RAD23B: variants seen among roughly 807,000 people sequenced by gnomAD.
RAD23B encodes RAD23 nucleotide excision repair protein B, also known as lysine-specific demethylase RAD23B.
In RAD23B, 5 loss-of-function variants were observed where a neutral mutation model predicts 49.1. The observed-to-expected ratio is 0.10, with a 90% confidence interval of 0.05 to 0.21. RAD23B has a LOEUF of 0.21. Among genes scored for constraint, RAD23B ranks in the 10% least tolerant of loss-of-function variants. The pLI is 1.00. For synonymous variants in RAD23B, 184 were observed against 165.4 expected, an observed-to-expected ratio of 1.11 and a Z score of -0.86; for missense variants, 356 against 486.7, an observed-to-expected ratio of 0.73 and a Z score of 2.53.
intron 5 of RAD23B, among the ~76,000 whole-genome samples, chr9:107,312,902 C>T (rs1466363519): frequency 6.6e-6 from 1 of 152,096 alleles, no homozygotes; most frequent in East Asian, 1.9e-4. Context: ...CTCCTGAGTT[C>T]CCGGGAGCCT....
At chr9:107,294,736 T>G (rs998347899) in intron 1 of RAD23B, among the ~76,000 whole-genome samples, 2 of 152,162 alleles carry the variant, frequency 1.3e-5, no homozygotes, top group Admixed American at 1.3e-4. Flanking sequence ...GAGTTAAGTG[T>G]GCATAAATGA....
intron 1 of RAD23B, chr9:107,284,898 A>T (rs1269514683): frequency 3.1e-6 from 4 of 1,282,108 alleles, no homozygotes; most frequent in Middle Eastern, 2.1e-4. Flanking sequence ...CCTTGCAGAG[A>T]TGTGAAGATT....
rs200371420 is a variant in RAD23B at position 107,300,116 on chromosome 9, A to C, written c.67-25A>C. On this transcript the variant is annotated intron_variant, in intron 1 of 9. Transcript: ENST00000358015. ...TCATTTTTTATTTAGACTTTTTCCA[A>C]AACAAATCTTTATTTTTCCTATAGG... 1.3e-4 allele frequency: 210 copies of C among 1,586,942 alleles called. 1 individual carries two copies. The East Asian group carries it at 4.0e-3, about 31-fold the overall frequency.
rs753861374 is a variant in RAD23B, at chr9:107,318,654, A to G, written c.554-98A>G. The G allele has an allele frequency of 7.0e-6, 9 of 1,277,666 alleles. No homozygotes were observed. The African/African-American group carries it at 1.0e-4, about 15-fold the overall frequency. The allele number at this position is 1,277,666 out of a possible 1,614,324, so 79.1% of individuals were successfully genotyped here. On this transcript the variant is annotated intron_variant, in intron 5 of 9. Coordinates refer to ENST00000358015, the MANE Select transcript of RAD23B (RefSeq NM_002874.5). The surrounding 1 kb of genome is among the most constrained non-coding windows in gnomAD (Gnocchi z 4.3). ...TTACTCATCTTTGTATTCCCAGCAT[A>G]GTAGTTCCTGAAATGTTGTATACAT... is the stretch of plus-strand genomic sequence containing the variant.
rs1166413330 is a variant in RAD23B, at chr9:107,302,054, T to C, written c.168T>C (p.Asp56=). The change falls in exon 3 of 10, where the codon GAT becomes GAC. Residue 56 remains aspartate, a synonymous_variant. Coordinates refer to ENST00000358015, the MANE Select transcript of RAD23B (RefSeq NM_002874.5). The stretch of plus-strand genomic sequence containing the variant: ...TATTAGGCAAAATCCTCAATGATGA[T>C]ACTGCTCTCAAAGAATATAAAATTG... ...LIYAGKILND[D]TALKEYKIDE... 6.2e-7 allele frequency: 1 copy of C among 1,612,828 alleles called. No individual in the cohort carries two copies. Among genetic ancestry groups the C allele is most frequent in the African/African-American group, 1.3e-5 (1 of 74,876 alleles).
chr9:107,327,142 C>G (rs1042772497), intron 9 of RAD23B, among the ~76,000 whole-genome samples: 13 of 151,676 alleles, frequency 8.6e-5, no homozygotes, highest in Middle Eastern at 3.4e-3. Context: ...TGTTTTTTCC[C>G]TTCAGTTTAG....
chr9:107,294,237 T>TA (rs1175442811), intron 1 of RAD23B, among the ~76,000 whole-genome samples: 1 of 152,228 alleles, frequency 6.6e-6, no homozygotes, highest in Non-Finnish European at 1.5e-5. Context: ...TTTTTATTTT[T>TA]AAATGCACGA....
intron 9 of RAD23B, among the ~76,000 whole-genome samples, chr9:107,328,972 A>T (rs369436721): frequency 2.0e-4 from 30 of 152,232 alleles, no homozygotes; most frequent in African/African-American, 6.3e-4. Flanking sequence ...AAAATGTACC[A>T]TGTATTACTA....
chr9:107,320,201 C>A (rs72738216), intron 6 of RAD23B, among the ~76,000 whole-genome samples: 8,996 of 152,272 alleles, frequency 0.059, 384 homozygotes, highest in South Asian at 0.12. Context: ...TTCACTTTTT[C>A]ATTATCTTCT....
intron 3 of RAD23B, among the ~76,000 whole-genome samples, chr9:107,304,078 A>G (rs1826712474): frequency 6.6e-6 from 1 of 152,150 alleles, no homozygotes; most frequent in African/African-American, 2.4e-5. Flanking sequence ...CTGCTACAGT[A>G]AGGCATTATG....
chr9:107,318,915 T>C lies in RAD23B; in HGVS notation c.681+36T>C. The C allele has an allele frequency of 6.4e-7, 1 of 1,568,906 alleles. No individual in the cohort carries two copies. The highest frequency in any genetic ancestry group is 8.7e-7 in the Non-Finnish European group (1 of 1,149,504). On this transcript the variant is annotated intron_variant, in intron 6 of 9. Transcript: ENST00000358015. The surrounding 1 kb of genome is among the most constrained non-coding windows in gnomAD (Gnocchi z 4.3). ...TGTTTTACTTTACTCCATTCTGTTG[T>C]TTAAGATTAAAATCTCAAAGAAACA...
intron 1 of RAD23B, among the ~76,000 whole-genome samples, chr9:107,295,191 T>C (rs564841138): frequency 2.1e-4 from 32 of 152,202 alleles, no homozygotes; most frequent in Middle Eastern, 3.4e-3. Flanking sequence ...TTTGGGATTA[T>C]GAATAAGTGA....
At chr9:107,305,494 A>G (rs1295948524) in intron 3 of RAD23B, among the ~76,000 whole-genome samples, 2 of 152,148 alleles carry the variant, frequency 1.3e-5, no homozygotes, top group Non-Finnish European at 2.9e-5. Flanking sequence ...AGTGTAACTT[A>G]TATTGAAAAA....
chr9:107,320,494 T>C (rs1247190212), intron 6 of RAD23B, among the ~76,000 whole-genome samples: 1 of 152,234 alleles, frequency 6.6e-6, no homozygotes, highest in African/African-American at 2.4e-5. Flanking sequence ...TGCAAATAAA[T>C]AGATGATACA....
At position 107,306,464 on chromosome 9, in the gene RAD23B, C is replaced by T. The variant is rs1159712312; in HGVS notation, c.314C>T (p.Thr105Ile). 14 of 1,614,100 alleles carry T rather than the reference C, an allele frequency of 8.7e-6. No homozygotes were observed. Among genetic ancestry groups the T allele is most frequent in the Non-Finnish European group, 1.1e-5 (13 of 1,180,042 alleles). The change falls in exon 4 of 10, where the codon ACA (threonine) becomes ATA (isoleucine). Residue 105 changes from threonine (T) to isoleucine (I), a missense_variant. Thr to Ile is a moderately conservative substitution (Grantham distance 89). Coordinates refer to ENST00000358015, the MANE Select transcript of RAD23B (RefSeq NM_002874.5). The stretch of plus-strand genomic sequence containing the variant: ...ACAGCAGTTACTTCCTCCACCACCA[C>T]AACTGTGGCTCAGGCTCCAACCCCT... The part of the protein sequence containing the change: ...STTAVTSSTT[T>I]TVAQAPTPVP...
At chr9:107,291,885 C>G (rs959576059) in intron 1 of RAD23B, among the ~76,000 whole-genome samples, 3 of 152,166 alleles carry the variant, frequency 2.0e-5, no homozygotes, top group African/African-American at 7.2e-5. Context: ...AGTATTAGAA[C>G]TGCCTTAGAC....
At chr9:107,303,286 G>T (rs1564244469) in intron 3 of RAD23B, among the ~76,000 whole-genome samples, 1 of 152,078 alleles carries the variant, frequency 6.6e-6, no homozygotes, top group South Asian at 2.1e-4. Context: ...TTTTCTCAAA[G>T]TCACAAAATA....
intron 3 of RAD23B, among the ~76,000 whole-genome samples, chr9:107,303,952 A>G (rs886445831): frequency 6.6e-6 from 1 of 152,220 alleles, no homozygotes; most frequent in Non-Finnish European, 1.5e-5. Flanking sequence ...TATTGCATAC[A>G]GTCCTTTTGT....
At chr9:107,292,655 G>A (rs1833405763) in intron 1 of RAD23B, among the ~76,000 whole-genome samples, 1 of 131,082 alleles carries the variant, frequency 7.6e-6, no homozygotes, top group Non-Finnish European at 1.5e-5. Flanking sequence ...ACTCCAGCCT[G>A]GTGACAGAGC....
Sources: gnomAD v4.1 joint callset for allele counts (sites outside exome capture counted in the v4.1 genomes callset) on GRCh38, gnomAD v4.1.1 for gene constraint, Gnocchi (gnomAD v3.1) non-coding constraint, MANE v1.5 for transcripts, NCBI Gene and HGNC (gene_info 2026-07-23, HGNC 2026-07-21) for gene names.